FBXL20: variants seen among roughly 807,000 people sequenced by gnomAD.
FBXL20 encodes the protein F-box and leucine rich repeat protein 20, also known as F-box/LRR-repeat protein 20.
Under a neutral mutation model 64.0 loss-of-function variants are expected in FBXL20, and 11 were observed. The ratio of observed to expected loss-of-function variants is 0.17; its 90% CI spans 0.11 to 0.28. The LOEUF (loss-of-function observed/expected upper bound fraction) is 0.28, where lower values mean the gene tolerates loss of function less well. FBXL20 is among the 10% of genes least tolerant of loss of function. FBXL20 has a pLI of 1.00. For missense variants in FBXL20, 303 were observed against 526.2 expected (o/e 0.58, Z 4.15); for synonymous variants, 184 against 189.0 (o/e 0.97, Z 0.22).
intron 2 of FBXL20, among the ~76,000 whole-genome samples, chr17:39,304,537 G>A (rs2047164604): frequency 6.6e-6 from 1 of 152,182 alleles, no homozygotes; most frequent in Non-Finnish European, 1.5e-5. Flanking sequence ...CAATCCTCCT[G>A]CCTCAGACTA....
chr17:39,344,153 T>A lies in FBXL20; in HGVS notation c.43-912A>T, dbSNP rs565962508. 4.6e-5 allele frequency among the ~76,000 whole-genome samples: 7 copies of A among 152,162 alleles called. No individual in the cohort carries two copies. In the South Asian group the frequency reaches 8.3e-4, roughly 18 times the overall value. On this transcript the variant is annotated intron_variant, in intron 1 of 14. Transcript: ENST00000264658. ...CTGGGATTGCAGGCATGAGCCACCA[T>A]ACCTGGCCAACATGGCGGAACTCTG...
chr17:39,279,458 C>T (rs1567861537), intron 9 of FBXL20, among the ~76,000 whole-genome samples: 1 of 149,806 alleles, frequency 6.7e-6, no homozygotes, highest in African/African-American at 2.5e-5. Context: ...GTGATCATGC[C>T]ACTAATAGTC....
At chr17:39,340,160 G>A (rs1339185041) in intron 2 of FBXL20, among the ~76,000 whole-genome samples, 1 of 151,244 alleles carries the variant, frequency 6.6e-6, no homozygotes, top group Non-Finnish European at 1.5e-5. Flanking sequence ...GCGGTGGCGC[G>A]ATCTTGGCTC....
At chr17:39,390,454 G>A (rs940056792) in intron 1 of FBXL20, among the ~76,000 whole-genome samples, 1 of 151,998 alleles carries the variant, frequency 6.6e-6, no homozygotes, top group Non-Finnish European at 1.5e-5. Context: ...CCAGCTACTA[G>A]GGAGGCTGAG....
upstream of FBXL20, chr17:39,402,155 C>T: frequency 8.1e-7 from 1 of 1,233,396 alleles, no homozygotes; most frequent in Middle Eastern, 3.1e-4. Flanking sequence ...CACCCAGCTC[C>T]CTTCCCCTGT....
At chr17:39,307,993 A>T (rs1429999549) in intron 2 of FBXL20, among the ~76,000 whole-genome samples, 1 of 151,538 alleles carries the variant, frequency 6.6e-6, no homozygotes, top group Non-Finnish European at 1.5e-5. Context: ...AAAAAAATTT[A>T]AAAGACTTTG....
Position 39,260,528 on chromosome 17 carries a change from T to C in FBXL20, c.*932A>G, listed in dbSNP as rs1002773652. 3 of 149,140 alleles carry C rather than the reference T, an allele frequency of 2.0e-5. No homozygotes were observed. Among genetic ancestry groups the C allele is most frequent in the African/African-American group, 7.8e-5 (3 of 38,456 alleles). The allele number at this position is 149,140 out of a possible 1,614,324, so 9.2% of individuals were successfully genotyped here. On this transcript the variant is annotated 3_prime_UTR_variant, in exon 15 of 15. Coordinates refer to ENST00000264658, the MANE Select transcript of FBXL20 (RefSeq NM_032875.3). ...AAACAGTTTCTTCTCATAACTTTTC[T>C]TGCTTTCATTAGAGTTTCCTTGCAG...
In FBXL20 at chr17:39,301,016, G is replaced by A. The variant is rs749231139; in HGVS notation, c.219C>T (p.Phe73=). 2.5e-6 allele frequency: 4 copies of A among 1,613,870 alleles called. No individual in the cohort carries two copies. Among genetic ancestry groups the A allele is most frequent in the East Asian group, 4.5e-5 (2 of 44,860 alleles). ...SNWQRIDLFD[F]QRDIEGRVVE... ...ATAATTATACCTCAATATCCCTCTG[G>A]AAATCAAATAGGTCAATTCGCTGCC... Residue 73 remains phenylalanine, a synonymous_variant, in exon 4 of 15, where the codon TTC becomes TTT. Transcript: ENST00000264658.
chr17:39,305,535 T>C (rs2047174069), intron 2 of FBXL20, among the ~76,000 whole-genome samples: 1 of 152,042 alleles, frequency 6.6e-6, no homozygotes, highest in Non-Finnish European at 1.5e-5. Flanking sequence ...TGAGGCTCCC[T>C]ATTTTAAAAA....
chr17:39,300,686 A>G (rs1013546635), intron 4 of FBXL20, among the ~76,000 whole-genome samples: 1 of 152,218 alleles, frequency 6.6e-6, no homozygotes, highest in African/African-American at 2.4e-5. Flanking sequence ...AACAAATATA[A>G]AATGTCTTCA....
intron 1 of FBXL20, among the ~76,000 whole-genome samples, chr17:39,398,921 C>T (rs957108830): frequency 6.6e-6 from 1 of 152,178 alleles, no homozygotes; most frequent in Non-Finnish European, 1.5e-5. Context: ...GATCCACCCA[C>T]CTCGGCCTCC....
chr17:39,319,399 T>C (rs9709400), intron 2 of FBXL20, among the ~76,000 whole-genome samples: 1 of 150,850 alleles, frequency 6.6e-6, no homozygotes, highest in South Asian at 2.1e-4. Flanking sequence ...TTAAAAAGGA[T>C]AGCAGGGCTG....
chr17:39,395,982 A>G (rs2144685854), intron 1 of FBXL20, among the ~76,000 whole-genome samples: 1 of 149,314 alleles, frequency 6.7e-6, no homozygotes. Flanking sequence ...GCAGAACCAC[A>G]GTCATTCAAA....
chr17:39,397,631 G>T (rs1387508191), intron 1 of FBXL20, among the ~76,000 whole-genome samples: 1 of 152,122 alleles, frequency 6.6e-6, no homozygotes, highest in Non-Finnish European at 1.5e-5. Context: ...CTCACTAAGT[G>T]TTAAGATAAT....
Position 39,285,564 on chromosome 17 carries a change from A to G in FBXL20, c.408T>C (p.Thr136=). Residue 136 remains threonine, a synonymous_variant, in exon 7 of 15, where the codon ACT becomes ACC. Coordinates refer to ENST00000264658, the MANE Select transcript of FBXL20 (RefSeq NM_032875.3). ...GTTTGGAACAGAACTTGCTAAGGCT[A>G]GTACATGTACTGAAAAATGGAAAAA... is the stretch of plus-strand genomic sequence containing the variant. The part of the protein sequence containing the change: ...GCTKTTDATC[T]SLSKFCSKLR... The G allele has an allele frequency of 6.3e-7, 1 of 1,598,250 alleles. No individual in the cohort carries two copies.
intron 2 of FBXL20, among the ~76,000 whole-genome samples, chr17:39,308,722 C>A (rs1207023174): frequency 6.6e-6 from 1 of 151,868 alleles, no homozygotes; most frequent in East Asian, 1.9e-4. Flanking sequence ...CGAACCACCA[C>A]GCCCGGCTAA....
At chr17:39,393,509 A>C (rs1442346689) in intron 1 of FBXL20, among the ~76,000 whole-genome samples, 1 of 152,156 alleles carries the variant, frequency 6.6e-6, no homozygotes, top group Non-Finnish European at 1.5e-5. Context: ...TCTTAGCACC[A>C]TAGTAATGCC....
At chr17:39,310,992 TA>T (rs542396558) in intron 2 of FBXL20, among the ~76,000 whole-genome samples, 2 of 145,128 alleles carry the variant, frequency 1.4e-5, no homozygotes, top group African/African-American at 2.5e-5. Flanking sequence ...TCTCAAAAAT[TA>T]AAAAAAAAAC....
chr17:39,317,688 TG>T (rs1567877361), intron 2 of FBXL20, among the ~76,000 whole-genome samples: 245 of 66,934 alleles, frequency 3.7e-3, no homozygotes, highest in African/African-American at 0.023. Flanking sequence ...TTTTTTTTTT[TG>T]TTTTTTTTTT....
Sources: allele counts gnomAD v4.1 joint callset (sites outside exome capture counted in the v4.1 genomes callset), GRCh38; gene constraint gnomAD v4.1.1; transcripts MANE v1.5; gene names NCBI Gene and HGNC (gene_info 2026-07-23, HGNC 2026-07-21).